Variants in DSCAM observed in about 807,000 individuals in gnomAD.
DSCAM encodes cell adhesion molecule DSCAM.
DSCAM carries 47 observed loss-of-function variants against 217.7 expected under a neutral mutation model. That is an observed-to-expected ratio of 0.22 (90% CI 0.17 to 0.28). The LOEUF is 0.28. DSCAM is among the 10% of genes least tolerant of loss of function. The pLI is 1.00. For synonymous variants in DSCAM, 1,056 were observed against 1,015.3 expected (o/e 1.04, Z -0.76); for missense variants, 2,080 against 2,618.3 (o/e 0.79, Z 4.49).
intron 3 of DSCAM, among the ~76,000 whole-genome samples, chr21:40,580,244 T>C (rs1440524845): frequency 6.6e-6 from 1 of 151,832 alleles, no homozygotes; most frequent in African/African-American, 2.4e-5. Context: ...TTTTAAAGAC[T>C]ACTGAGGCCT....
At chr21:40,391,463 T>C (rs1040951942) in intron 3 of DSCAM, among the ~76,000 whole-genome samples, 6 of 152,238 alleles carry the variant, frequency 3.9e-5, no homozygotes, top group African/African-American at 1.4e-4. Context: ...GATCAAATGA[T>C]ACAATGTGCT....
chr21:40,223,189 C>T lies in DSCAM; in HGVS notation c.2357-33951G>A, dbSNP rs149236662. On this transcript the variant is annotated intron_variant, in intron 11 of 32. Transcript: ENST00000400454. ...GAAGGTGCAGGATTGGAGTTGCCTC[C>T]TGAGACTCACCCTCAGAGCAGCTTT... is the stretch of plus-strand genomic sequence containing the variant. Among the ~76,000 whole-genome samples, 472 of 152,278 alleles carry T rather than the reference C, an allele frequency of 3.1e-3. 6 individuals are homozygous for T. In the East Asian group the frequency reaches 0.036, roughly 11 times the overall value.
intron 6 of DSCAM, among the ~76,000 whole-genome samples, chr21:40,340,178 A>G (rs1444626966): frequency 6.6e-6 from 1 of 152,126 alleles, no homozygotes. Context: ...TTTAACATCC[A>G]ACCTGGGACA....
intron 26 of DSCAM, among the ~76,000 whole-genome samples, chr21:40,075,730 A>G (rs1295447307): frequency 6.6e-6 from 1 of 152,212 alleles, no homozygotes; most frequent in African/African-American, 2.4e-5. Context: ...TGTAAGACCA[A>G]ATCTACTTCA....
At chr21:40,241,559 A>G (rs2073153474) in intron 11 of DSCAM, among the ~76,000 whole-genome samples, 1 of 152,214 alleles carries the variant, frequency 6.6e-6, no homozygotes, top group Non-Finnish European at 1.5e-5. Context: ...AAATTAGTTC[A>G]ATCATTGTGG....
intron 3 of DSCAM, among the ~76,000 whole-genome samples, chr21:40,413,070 T>G (rs2075338067): frequency 6.6e-6 from 1 of 152,218 alleles, no homozygotes; most frequent in Non-Finnish European, 1.5e-5. Flanking sequence ...AATTGAGATT[T>G]GGGAACCTCC....
chr21:40,342,644 ATATAT>A (rs1455393331), intron 6 of DSCAM, among the ~76,000 whole-genome samples: 6 of 89,300 alleles, frequency 6.7e-5, no homozygotes, highest in African/African-American at 2.4e-4. Flanking sequence ...ATATATATAT[ATATAT>A]TTTTTTTTTT....
At chr21:40,407,188 C>T (rs1404427142) in intron 3 of DSCAM, among the ~76,000 whole-genome samples, 2 of 152,176 alleles carry the variant, frequency 1.3e-5, no homozygotes, top group East Asian at 1.9e-4. Context: ...TTTTAATTAG[C>T]TTTATCTAAT....
intron 16 of DSCAM, among the ~76,000 whole-genome samples, chr21:40,146,243 G>T (rs2090355372): frequency 6.7e-6 from 1 of 148,700 alleles, no homozygotes; most frequent in Admixed American, 6.7e-5. Context: ...GGAAGACTCA[G>T]AGCCCAGGTG....
chr21:40,044,418 G>A (rs2088810144), intron 30 of DSCAM, 143 bp from the exon 31 acceptor site: 1 of 749,868 alleles, frequency 1.3e-6, no homozygotes. Context: ...CTCCTGTGCA[G>A]AGGATACTTT....
chr21:40,067,930 T>C (rs1004629165), intron 27 of DSCAM, among the ~76,000 whole-genome samples: 6 of 152,012 alleles, frequency 3.9e-5, no homozygotes, highest in African/African-American at 1.5e-4. Flanking sequence ...TTGTTCTTCT[T>C]GCCCAAACAC....
intron 3 of DSCAM, among the ~76,000 whole-genome samples, chr21:40,615,678 A>G (rs1321736531): frequency 1.3e-5 from 2 of 152,140 alleles, no homozygotes; most frequent in Admixed American, 1.3e-4. Flanking sequence ...ACCTCAGACC[A>G]CAGCTAAGCT....
rs145750673 is a variant in DSCAM at position 40,047,931 on chromosome 21, T to C, written c.5186-3656A>G. ...AAGTCCATGTTGTAAGCTCTTGTCA[T>C]TGAATGTGCGTACATGTGAAGTCTA... On this transcript the variant is annotated intron_variant, in intron 30 of 32. Transcript: ENST00000400454. 7.9e-5 allele frequency among the ~76,000 whole-genome samples: 12 copies of C among 152,342 alleles called. No individual in the cohort carries two copies. In the East Asian group the frequency reaches 2.3e-3, roughly 29 times the overall value.
chr21:40,577,462 C>CT (rs2146214288), intron 3 of DSCAM, among the ~76,000 whole-genome samples: 1 of 152,144 alleles, frequency 6.6e-6, no homozygotes, highest in South Asian at 2.1e-4. Flanking sequence ...TGGCGCCCCC[C>CT]TCCGAGCCGG....
intron 1 of DSCAM, among the ~76,000 whole-genome samples, chr21:40,765,702 A>G (rs538285403): frequency 6.6e-6 from 1 of 152,144 alleles, no homozygotes. Flanking sequence ...GTTCAGGGAC[A>G]TTTTGCTAGT....
chr21:40,568,346 G>A (rs2076781113), intron 3 of DSCAM, among the ~76,000 whole-genome samples: 1 of 151,998 alleles, frequency 6.6e-6, no homozygotes, highest in Non-Finnish European at 1.5e-5. Flanking sequence ...TGGTCTAGTT[G>A]AAAAAAGACA....
intron 18 of DSCAM, among the ~76,000 whole-genome samples, chr21:40,135,774 T>C (rs376805961): frequency 6.6e-6 from 1 of 152,250 alleles, no homozygotes; most frequent in South Asian, 2.1e-4. Flanking sequence ...ACGATGACTG[T>C]GGAACATCTT....
chr21:40,543,853 A>G (rs1308196631), intron 3 of DSCAM, among the ~76,000 whole-genome samples: 2 of 152,216 alleles, frequency 1.3e-5, no homozygotes, highest in Admixed American at 1.3e-4. Context: ...TATTTCATAT[A>G]AATTTACATA....
intron 1 of DSCAM, among the ~76,000 whole-genome samples, chr21:40,787,071 T>C (rs2091600727): frequency 6.6e-6 from 1 of 152,226 alleles, no homozygotes; most frequent in Admixed American, 6.5e-5. Context: ...CACAGCTTTT[T>C]TCTATTTTGC....
Sources: allele counts gnomAD v4.1 joint callset (sites outside exome capture counted in the v4.1 genomes callset), GRCh38; gene constraint gnomAD v4.1.1; transcripts MANE v1.5; gene names NCBI Gene and HGNC (gene_info 2026-07-23, HGNC 2026-07-21).